RALYL: variants seen among roughly 807,000 people sequenced by gnomAD.
RALYL encodes RNA-binding Raly-like protein.
A neutral mutation model predicts 35.1 loss-of-function variants in RALYL; 29 were observed. The ratio of observed to expected loss-of-function variants is 0.83; its 90% CI spans 0.61 to 1.13. RALYL has a LOEUF of 1.13. RALYL is among the 50% of genes most tolerant of loss of function. RALYL has a pLI of 0.00. For synonymous variants in RALYL, 120 were observed against 127.6 expected (o/e 0.94, Z 0.40); for missense variants, 359 against 360.4 (o/e 1.00, Z 0.03).
chr8:84,283,969 AT>A (rs1167590089), intron 1 of RALYL, among the ~76,000 whole-genome samples: 2 of 152,150 alleles, frequency 1.3e-5, no homozygotes, highest in Non-Finnish European at 2.9e-5. Flanking sequence ...GTAAAAAAAA[AT>A]GAAAGCTATT....
chr8:84,321,351 C>T (rs2130396051), intron 1 of RALYL, among the ~76,000 whole-genome samples: 1 of 152,146 alleles, frequency 6.6e-6, no homozygotes, highest in Non-Finnish European at 1.5e-5. Flanking sequence ...GACTGCCATG[C>T]TGAAATCTAG....
intron 8 of RALYL, among the ~76,000 whole-genome samples, chr8:84,903,271 G>C (rs929094805): frequency 2.6e-5 from 4 of 151,936 alleles, no homozygotes; most frequent in African/African-American, 9.7e-5. Flanking sequence ...CATTTATATG[G>C]GAATACTAAG....
chr8:84,379,851 C>T (rs16912748), intron 1 of RALYL, among the ~76,000 whole-genome samples: 4,366 of 150,346 alleles, frequency 0.029, 211 homozygotes, highest in African/African-American at 0.1. Flanking sequence ...GCTTTGGTTT[C>T]TCTCAAGCTC....
At chr8:84,583,494 T>C (rs1564186793) in intron 2 of RALYL, among the ~76,000 whole-genome samples, 1 of 152,270 alleles carries the variant, frequency 6.6e-6, no homozygotes, top group Non-Finnish European at 1.5e-5. Flanking sequence ...ACATTAAACT[T>C]AATTTAATAA....
At chr8:84,669,080 T>A (rs1478276285) in intron 2 of RALYL, among the ~76,000 whole-genome samples, 2 of 152,004 alleles carry the variant, frequency 1.3e-5, no homozygotes, top group African/African-American at 2.4e-5. Flanking sequence ...CATAGAAAAA[T>A]AAAACTTGGT....
chr8:84,406,956 A>G (rs1402798451), intron 1 of RALYL, among the ~76,000 whole-genome samples: 1 of 151,930 alleles, frequency 6.6e-6, no homozygotes, highest in African/African-American at 2.4e-5. Flanking sequence ...TTGCATAGCA[A>G]CACAGGAACA....
intron 1 of RALYL, among the ~76,000 whole-genome samples, chr8:84,242,779 A>G (rs1828244511): frequency 6.6e-6 from 1 of 152,244 alleles, no homozygotes; most frequent in South Asian, 2.1e-4. Flanking sequence ...ATTTTCTCCC[A>G]TTCTGTAGGT....
chr8:84,824,951 C>G (rs1325632844), intron 4 of RALYL, among the ~76,000 whole-genome samples: 6 of 152,094 alleles, frequency 3.9e-5, no homozygotes, highest in Non-Finnish European at 7.4e-5. Context: ...GGAAAGAATT[C>G]ATGGCTAAGT....
chr8:84,630,258 T>C (rs1823627540), intron 2 of RALYL, among the ~76,000 whole-genome samples: 1 of 152,018 alleles, frequency 6.6e-6, no homozygotes, highest in Non-Finnish European at 1.5e-5. Context: ...AAAGCCACCC[T>C]AAATACAGCT....
At chr8:84,575,886 G>A (rs1179525611) in intron 2 of RALYL, among the ~76,000 whole-genome samples, 1 of 151,562 alleles carries the variant, frequency 6.6e-6, no homozygotes, top group Non-Finnish European at 1.5e-5. Flanking sequence ...CAGGTAATTA[G>A]GAAGCTGTGG....
At chr8:84,587,707 A>C (rs527557095) in intron 2 of RALYL, among the ~76,000 whole-genome samples, 2 of 152,336 alleles carry the variant, frequency 1.3e-5, no homozygotes, top group Admixed American at 6.5e-5. Flanking sequence ...ATATGAATTA[A>C]AAACATGTAA....
chr8:84,242,841 T>A (rs1828257879), intron 1 of RALYL, among the ~76,000 whole-genome samples: 1 of 152,190 alleles, frequency 6.6e-6, no homozygotes. Flanking sequence ...GCTCTTTAGT[T>A]TAATTAGATT....
intron 2 of RALYL, among the ~76,000 whole-genome samples, chr8:84,585,004 C>T (rs947518122): frequency 2.0e-5 from 3 of 152,140 alleles, no homozygotes; most frequent in African/African-American, 7.2e-5. Flanking sequence ...GGTAATGCAA[C>T]CCTTGTTTCT....
intron 2 of RALYL, among the ~76,000 whole-genome samples, chr8:84,701,171 T>G (rs1840116872): frequency 6.6e-6 from 1 of 152,126 alleles, no homozygotes; most frequent in Non-Finnish European, 1.5e-5. Context: ...GATAAACATT[T>G]TCTGTTCCTA....
intron 7 of RALYL, among the ~76,000 whole-genome samples, chr8:84,874,613 G>C (rs1840796130): frequency 6.6e-6 from 1 of 152,196 alleles, no homozygotes; most frequent in African/African-American, 2.4e-5. Flanking sequence ...CATATCACTG[G>C]GGTGAGGGTT....
chr8:84,367,332 T>G (rs1563800120), intron 1 of RALYL, among the ~76,000 whole-genome samples: 94 of 25,930 alleles, frequency 3.6e-3, no homozygotes, highest in African/African-American at 0.025. Flanking sequence ...TTTTTTTTTT[T>G]TTTTTTTTTT....
chr8:84,200,939 T>C (rs532144605), intron 1 of RALYL, among the ~76,000 whole-genome samples: 1 of 152,322 alleles, frequency 6.6e-6, no homozygotes, highest in East Asian at 1.9e-4. Context: ...AGTGTAGTTA[T>C]CCAACAAATA....
chr8:84,426,438 C>CTGTGTG lies in RALYL; in HGVS notation c.-23-102830_-23-102825dup, dbSNP rs71271987. On this transcript the variant is annotated intron_variant, in intron 1 of 8. Transcript: ENST00000521268. ...ACTCTTTTGCGTTCTCTCTCTCTCT[C>CTGTGTG]TGTGTGTGTGTGTGTGTGTGTGTGT... 9.6e-3 allele frequency among the ~76,000 whole-genome samples: 1,310 copies of CTGTGTG among 136,084 alleles called. 14 individuals are homozygous for CTGTGTG. The highest frequency in any genetic ancestry group is 0.018 in the African/African-American group (647 of 36,402). The allele number at this position is 136,084 out of a possible 152,430, so 89.3% of individuals were successfully genotyped here.
intron 4 of RALYL, among the ~76,000 whole-genome samples, chr8:84,848,158 C>T (rs1835041146): frequency 6.6e-6 from 1 of 151,886 alleles, no homozygotes; most frequent in Admixed American, 6.6e-5. Context: ...TAGGTATATA[C>T]CTAAAAGAGA....
Sources: gnomAD v4.1 joint callset for allele counts (sites outside exome capture counted in the v4.1 genomes callset) on GRCh38, gnomAD v4.1.1 for gene constraint, MANE v1.5 for transcripts, NCBI Gene and HGNC (gene_info 2026-07-23, HGNC 2026-07-21) for gene names.